KCNK2: variants seen among roughly 807,000 people sequenced by gnomAD.
The protein encoded by KCNK2 is potassium two pore domain channel subfamily K member 2, also known as potassium channel subfamily K member 2.
A neutral mutation model predicts 40.5 loss-of-function variants in KCNK2; 21 were observed. The ratio of observed to expected loss-of-function variants is 0.52; its 90% CI spans 0.37 to 0.75. The LOEUF is 0.75. Ranked by LOEUF, KCNK2 falls within the 30% of genes least tolerant of loss-of-function variation. The probability of loss-of-function intolerance (pLI) is 0.00; values close to 1 mark genes in which losing one functional copy is unlikely to be tolerated. For synonymous variants in KCNK2, 191 were observed against 202.2 expected (o/e 0.94, Z 0.47); for missense variants, 399 against 531.6 (o/e 0.75, Z 2.45).
Position 215,042,005 on chromosome 1 carries a change from G to A in KCNK2, c.34+36050G>A, listed in dbSNP as rs1269443418. Reference sequence around the variant, plus strand: ...GTGGCAGCCAAGAGAGCATTTGCAGGGGAACTCTCCCTTATAAAACTATCA... The same window carrying A: ...GTGGCAGCCAAGAGAGCATTTGCAGAGGAACTCTCCCTTATAAAACTATCA... On this transcript the variant is annotated intron_variant, in intron 1 of 6. Transcript: ENST00000391895. 2.6e-5 allele frequency among the ~76,000 whole-genome samples: 4 copies of A among 152,094 alleles called. No homozygotes were observed. The East Asian group carries it at 7.7e-4, about 29-fold the overall frequency.
At chr1:215,067,072 G>A (rs796953391) in intron 1 of KCNK2, among the ~76,000 whole-genome samples, 33 of 152,180 alleles carry the variant, frequency 2.2e-4, no homozygotes, top group African/African-American at 7.5e-4. Flanking sequence ...AACGAACGGG[G>A]TGGGCTGGGC....
chr1:215,052,015 A>G (rs11120475), intron 1 of KCNK2, among the ~76,000 whole-genome samples: 7,499 of 152,292 alleles, frequency 0.049, 544 homozygotes, highest in African/African-American at 0.16. Context: ...TTAAGTACCT[A>G]CTATGTGCCA....
chr1:215,033,411 A>AT (rs1269357748), intron 1 of KCNK2, among the ~76,000 whole-genome samples: 2 of 113,092 alleles, frequency 1.8e-5, no homozygotes, highest in Admixed American at 1.0e-4. Context: ...TTTATTTTTT[A>AT]TTTTTTTGCC....
chr1:215,210,004 TATATATA>T (rs1558141521), intron 6 of KCNK2, among the ~76,000 whole-genome samples: 1 of 79,336 alleles, frequency 1.3e-5, no homozygotes, highest in South Asian at 3.1e-4. Flanking sequence ...TAATATATAT[TATATATA>T]ATATATAATA....
intron 3 of KCNK2, among the ~76,000 whole-genome samples, chr1:215,144,199 T>A (rs1415230842): frequency 6.6e-6 from 1 of 152,194 alleles, no homozygotes; most frequent in Non-Finnish European, 1.5e-5. Context: ...AAATAAATTA[T>A]TTTGAAGATA....
chr1:215,191,110 C>T (rs1571712306), intron 5 of KCNK2, among the ~76,000 whole-genome samples: 1 of 151,706 alleles, frequency 6.6e-6, no homozygotes, highest in Non-Finnish European at 1.5e-5. Flanking sequence ...CGTGGTGAAA[C>T]CCTGTCTCTA....
chr1:215,180,113 C>T (rs577745773), intron 5 of KCNK2, among the ~76,000 whole-genome samples: 2 of 152,008 alleles, frequency 1.3e-5, no homozygotes, highest in African/African-American at 4.8e-5. Flanking sequence ...TTATGTAATA[C>T]CTTACTTTGT....
chr1:215,207,798 G>T (rs747948182), intron 6 of KCNK2, among the ~76,000 whole-genome samples: 1 of 152,120 alleles, frequency 6.6e-6, no homozygotes, highest in Non-Finnish European at 1.5e-5. Flanking sequence ...TTAGAGAAAT[G>T]CAAATCAAAA....
chr1:215,199,098 A>G (rs139694437), intron 6 of KCNK2, among the ~76,000 whole-genome samples: 33 of 152,210 alleles, frequency 2.2e-4, no homozygotes, highest in African/African-American at 7.0e-4. Flanking sequence ...ACCAGAGGTC[A>G]GGAGTTTGAT....
At chr1:215,096,481 T>G (rs1250825081) in intron 2 of KCNK2, among the ~76,000 whole-genome samples, 1 of 151,974 alleles carries the variant, frequency 6.6e-6, no homozygotes, top group Non-Finnish European at 1.5e-5. Context: ...ACATTTATGA[T>G]TTCATAGGCA....
At chr1:215,016,632 A>T (rs1025281557) in intron 1 of KCNK2, among the ~76,000 whole-genome samples, 1 of 152,142 alleles carries the variant, frequency 6.6e-6, no homozygotes, top group African/African-American at 2.4e-5. Context: ...TAAACATAAG[A>T]TCTGAAGTTG....
intron 5 of KCNK2, among the ~76,000 whole-genome samples, chr1:215,190,232 G>C (rs193112123): frequency 4.6e-5 from 7 of 152,216 alleles, no homozygotes; most frequent in Middle Eastern, 3.4e-3. Context: ...GGCTGGGAAC[G>C]CTGGAGAGAG....
At chr1:215,205,805 G>A (rs1008059430) in intron 6 of KCNK2, among the ~76,000 whole-genome samples, 1 of 152,068 alleles carries the variant, frequency 6.6e-6, no homozygotes, top group African/African-American at 2.4e-5. Context: ...ATCATTGTTT[G>A]TCTAATTCAA....
At chr1:215,112,497 A>T (rs1660739587) in intron 2 of KCNK2, among the ~76,000 whole-genome samples, 1 of 152,186 alleles carries the variant, frequency 6.6e-6, no homozygotes, top group Non-Finnish European at 1.5e-5. Context: ...ATTTACAATT[A>T]GCTAAGGCTA....
At chr1:215,137,992 G>C (rs913345447) in intron 3 of KCNK2, among the ~76,000 whole-genome samples, 1 of 152,094 alleles carries the variant, frequency 6.6e-6, no homozygotes, top group Admixed American at 6.6e-5. Context: ...CCACAAAAGG[G>C]TTTAGAACCA....
chr1:215,125,602 G>C (rs10127736), intron 3 of KCNK2, among the ~76,000 whole-genome samples: 15,667 of 151,162 alleles, frequency 0.1, 2,695 homozygotes, highest in African/African-American at 0.36. Flanking sequence ...GTGGGGAGAT[G>C]GGGGAGGGAT....
chr1:215,125,189 T>C (rs937067698), intron 3 of KCNK2, among the ~76,000 whole-genome samples: 3 of 152,198 alleles, frequency 2.0e-5, no homozygotes, highest in Non-Finnish European at 2.9e-5. Flanking sequence ...GTGCCTGTTA[T>C]ATGGTCATTT....
In KCNK2 at chr1:215,235,260, T is replaced by C. The variant is rs533850274; in HGVS notation, c.*115T>C. On this transcript the variant is annotated 3_prime_UTR_variant, in exon 7 of 7. Transcript: ENST00000444842. ...GCATGAGCTCAAAGGGGGAACAAAA[T>C]AGATACACCCATCATGGTCATCTAT... is the stretch of plus-strand genomic sequence containing the variant. 7.6e-6 allele frequency: 6 copies of C among 791,224 alleles called. No homozygotes were observed. In the East Asian group the frequency reaches 1.5e-4, roughly 20 times the overall value. 49.0% of individuals were successfully genotyped at this position (791,224 alleles called of 1,614,324 possible).
chr1:215,218,486 G>T (rs553383438), intron 6 of KCNK2, among the ~76,000 whole-genome samples: 1 of 152,274 alleles, frequency 6.6e-6, no homozygotes, highest in South Asian at 2.1e-4. Flanking sequence ...AGTAGCTCAT[G>T]CCAGAATCCT....
Sources: allele counts gnomAD v4.1 joint callset (sites outside exome capture counted in the v4.1 genomes callset), GRCh38; gene constraint gnomAD v4.1.1; transcripts MANE v1.5; gene names NCBI Gene and HGNC (gene_info 2026-07-23, HGNC 2026-07-21).